The following IDH1 variants were observed in gnomAD, a reference collection of about 807,000 sequenced individuals.
IDH1 encodes the protein isocitrate dehydrogenase (NADP(+)) 1.
A neutral mutation model predicts 46.1 loss-of-function variants in IDH1; 33 were observed. The ratio of observed to expected loss-of-function variants is 0.72; its 90% CI spans 0.54 to 0.96. The LOEUF is 0.96. Ranked by LOEUF, IDH1 falls within the 40% of genes least tolerant of loss-of-function variation. The probability of loss-of-function intolerance (pLI) is 0.00; values close to 1 mark genes in which losing one functional copy is unlikely to be tolerated. For missense variants in IDH1, 421 were observed against 515.7 expected (o/e 0.82, Z 1.78); for synonymous variants, 144 against 172.8 (o/e 0.83, Z 1.31).
intron 5 of IDH1, among the ~76,000 whole-genome samples, chr2:208,244,174 G>A (rs756052485): frequency 1.3e-5 from 2 of 152,062 alleles, no homozygotes; most frequent in Non-Finnish European, 2.9e-5. Flanking sequence ...TCTTGTTCCC[G>A]CTCTTGCCAT....
chr2:208,249,371 C>A (rs1688082583), intron 3 of IDH1, among the ~76,000 whole-genome samples: 1 of 152,086 alleles, frequency 6.6e-6, no homozygotes, highest in African/African-American at 2.4e-5. Context: ...TTCTGTAATT[C>A]TTGAGCAAGT....
At chr2:208,252,893 G>T (rs773548037) in intron 2 of IDH1, among the ~76,000 whole-genome samples, 4 of 152,186 alleles carry the variant, frequency 2.6e-5, no homozygotes, top group Admixed American at 1.3e-4. Context: ...TAGACTAAAA[G>T]AAATGAACAG....
In IDH1 at chr2:208,243,847, TAC is replaced by T. The variant is rs551103032; in HGVS notation, c.521-245_521-244del. 3.9e-4 allele frequency among the ~76,000 whole-genome samples: 60 copies of T among 152,328 alleles called. No homozygotes were observed. In the South Asian group the frequency reaches 4.6e-3, roughly 12 times the overall value. ...GAAGGACAGCAGAAATGAAAAAACA[TAC>T]AGTCTTTAAAATCCTGAAGATGCAG... On this transcript the variant is annotated intron_variant, in intron 5 of 9. Transcript: ENST00000345146.
intron 2 of IDH1, among the ~76,000 whole-genome samples, chr2:208,252,650 TA>T (rs1331601925): frequency 6.6e-6 from 1 of 152,218 alleles, no homozygotes; most frequent in African/African-American, 2.4e-5. Context: ...GAATTGACTT[TA>T]AAGAATTATT....
At chr2:208,253,799 C>T (rs1688165144) in intron 2 of IDH1, 87 bp downstream of exon 2, 1 of 152,176 alleles carries the variant, frequency 6.6e-6, no homozygotes, top group Admixed American at 6.5e-5. Flanking sequence ...CCTTGCAGTG[C>T]CTCGGCCTGC....
At chr2:208,253,658 G>C (rs558817059) in intron 2 of IDH1, among the ~76,000 whole-genome samples, 17 of 152,278 alleles carry the variant, frequency 1.1e-4, no homozygotes, top group African/African-American at 4.1e-4. Context: ...TTTTTGGCCA[G>C]ATTGTTTTTT....
chr2:208,239,024 G>T, intron 9 of IDH1, 47 bp downstream of exon 9: 1 of 1,517,364 alleles, frequency 6.6e-7, no homozygotes, highest in Non-Finnish European at 9.1e-7. Flanking sequence ...AGCCCAGTGA[G>T]GATAAGTGTT....
intron 3 of IDH1, among the ~76,000 whole-genome samples, chr2:208,251,089 C>T (rs114728649): frequency 0.016 from 2,440 of 152,212 alleles, 68 homozygotes; most frequent in African/African-American, 0.054. Context: ...TCCAGTTTTT[C>T]TAGCAGTATG....
In IDH1 at chr2:208,249,981, AAAGG is replaced by A. The variant is rs1333649746; in HGVS notation, c.123-1325_123-1322del. Among the ~76,000 whole-genome samples, 6 of 152,350 alleles carry A rather than the reference AAAGG, an allele frequency of 3.9e-5. No individual in the cohort carries two copies. The East Asian group carries it at 5.8e-4, about 15-fold the overall frequency. ...TTCTTAACATTTCTAAGAAGATAAG[AAAGG>A]AAGGAACAAATTGCCCAGACCACTG... On this transcript the variant is annotated intron_variant, in intron 3 of 9. Transcript: ENST00000345146.
rs756511163 is a variant in IDH1, at chr2:208,248,418, C to T, written c.365G>A (p.Ser122Asn). ...IICKNIPRLVSGWVKPIIIGR... is the reference protein window; with the variant it reads ...IICKNIPRLVNGWVKPIIIGR... ...TATGATGATAGGTTTTACCCATCCA[C>T]TCACAAGCCGGGGGATATTTTTGCA... Residue 122 changes from serine (S) to asparagine (N), a missense_variant, in exon 4 of 10, where the codon AGT (serine) becomes AAT (asparagine). Physicochemically the swap from Ser to Asn is conservative, Grantham distance 46. Coordinates refer to ENST00000345146, the MANE Select transcript of IDH1 (RefSeq NM_005896.4). 9 of 1,614,154 alleles carry T rather than the reference C, an allele frequency of 5.6e-6. No homozygotes were observed. Among genetic ancestry groups the T allele is most frequent in the South Asian group, 5.5e-5 (5 of 91,084 alleles).
chr2:208,245,520 G>C (rs2124858131), intron 4 of IDH1, 96 bp from the exon 5 acceptor site: 3 of 551,380 alleles, frequency 5.4e-6, no homozygotes, highest in Non-Finnish European at 6.8e-6. Context: ...AAGACACCTA[G>C]ACAAATAGGG....
intron 7 of IDH1, among the ~76,000 whole-genome samples, chr2:208,240,955 C>T (rs1049605228): frequency 1.3e-5 from 2 of 152,116 alleles, no homozygotes; most frequent in African/African-American, 4.8e-5. Context: ...ATGTTTAACA[C>T]TGATAAGAGA....
intron 4 of IDH1, chr2:208,247,826 G>A (rs757032520): frequency 6.2e-6 from 1 of 160,384 alleles, no homozygotes; most frequent in Admixed American, 6.1e-5. Flanking sequence ...ATGCATGATG[G>A]GATCATGTTT....
intron 2 of IDH1, among the ~76,000 whole-genome samples, chr2:208,252,867 C>G (rs1003370048): frequency 1.3e-5 from 2 of 152,186 alleles, no homozygotes; most frequent in Non-Finnish European, 2.9e-5. Flanking sequence ...TTTGGGGGAA[C>G]CTTCTGGAAC....
intron 4 of IDH1, chr2:208,248,042 A>T: frequency 2.9e-6 from 1 of 342,752 alleles, no homozygotes; most frequent in Non-Finnish European, 5.4e-6. Flanking sequence ...CAGTGTTGAA[A>T]ACCACAGATC....
chr2:208,246,308 A>C (rs1267689674), intron 4 of IDH1, among the ~76,000 whole-genome samples: 2 of 152,200 alleles, frequency 1.3e-5, no homozygotes, highest in African/African-American at 4.8e-5. Flanking sequence ...ATACTTGCAG[A>C]GTTAGGTACC....
At chr2:208,253,677 C>G (rs1000549437) in intron 2 of IDH1, among the ~76,000 whole-genome samples, 3 of 152,122 alleles carry the variant, frequency 2.0e-5, no homozygotes, top group African/African-American at 7.2e-5. Context: ...TTGCCGAGTT[C>G]ATGAACTACA....
chr2:208,250,941 C>CT (rs770611916), intron 3 of IDH1, among the ~76,000 whole-genome samples: 7 of 152,172 alleles, frequency 4.6e-5, no homozygotes, highest in Non-Finnish European at 7.3e-5. Context: ...TACATCCTCT[C>CT]TTATTTCCCT....
In IDH1 at chr2:208,251,868, T is replaced by C. The variant is rs146240928; in HGVS notation, c.-16-301A>G. ...TTTACTTTGTTAAAAAAAAAAGAGC[T>C]TTCCCAAGGCCACCTAGCTAGAGCG... On this transcript the variant is annotated intron_variant, in intron 2 of 9. Transcript: ENST00000345146. Among the ~76,000 whole-genome samples, 994 of 152,206 alleles carry C rather than the reference T, an allele frequency of 6.5e-3. 14 individuals are homozygous for C. The highest frequency in any genetic ancestry group is 0.023 in the African/African-American group (963 of 41,536).
Sources: gnomAD v4.1 joint callset for allele counts (sites outside exome capture counted in the v4.1 genomes callset) on GRCh38, gnomAD v4.1.1 for gene constraint, MANE v1.5 for transcripts, NCBI Gene and HGNC (gene_info 2026-07-23, HGNC 2026-07-21) for gene names.